The following MINDY2 variants were observed in gnomAD, a reference collection of about 807,000 sequenced individuals.
MINDY2 encodes the protein MINDY lysine 48 deubiquitinase 2, also known as ubiquitin carboxyl-terminal hydrolase MINDY-2.
Under a neutral mutation model 68.2 loss-of-function variants are expected in MINDY2, and 52 were observed. The observed-to-expected ratio is 0.76, with a 90% confidence interval of 0.61 to 0.96. The LOEUF (loss-of-function observed/expected upper bound fraction) is 0.96, where lower values mean the gene tolerates loss of function less well. MINDY2 is among the 40% of genes least tolerant of loss of function. MINDY2 has a pLI of 0.00. For synonymous variants in MINDY2, 372 were observed against 303.0 expected (o/e 1.23, Z -2.36); for missense variants, 881 against 773.4 (o/e 1.14, Z -1.65).
chr15:58,803,232 C>T (rs1276714231), intron 3 of MINDY2, among the ~76,000 whole-genome samples: 20 of 151,770 alleles, frequency 1.3e-4, no homozygotes, highest in Admixed American at 1.1e-3. Context: ...TTTGGGAGGC[C>T]GAGGTGGGCA....
intron 1 of MINDY2, among the ~76,000 whole-genome samples, chr15:58,782,911 GTTTTTTT>G (rs1157376592): frequency 1.1e-3 from 70 of 64,494 alleles, no homozygotes; most frequent in South Asian, 6.1e-3. Flanking sequence ...TTTTCTCTCT[GTTTTTTT>G]TTTTTTTTTT....
intron 3 of MINDY2, among the ~76,000 whole-genome samples, chr15:58,805,736 C>G (rs889442471): frequency 6.6e-6 from 1 of 151,340 alleles, no homozygotes; most frequent in Non-Finnish European, 1.5e-5. Flanking sequence ...GTTTAAAACC[C>G]TTTTAAAATA....
At chr15:58,846,115 C>CA (rs1406583481) in intron 6 of MINDY2, among the ~76,000 whole-genome samples, 1 of 143,560 alleles carries the variant, frequency 7.0e-6, no homozygotes, top group African/African-American at 2.5e-5. Flanking sequence ...AAAGAAAAAA[C>CA]AGAATGATTG....
At chr15:58,852,922 GTTT>G (rs746154698) in intron 8 of MINDY2, among the ~76,000 whole-genome samples, 4 of 48,968 alleles carry the variant, frequency 8.2e-5, no homozygotes, top group African/African-American at 3.0e-4. Context: ...TGCTGTTCCT[GTTT>G]TTTTTTTTTT....
At chr15:58,797,227 C>G (rs992960665) in intron 2 of MINDY2, among the ~76,000 whole-genome samples, 1 of 152,106 alleles carries the variant, frequency 6.6e-6, no homozygotes, top group African/African-American at 2.4e-5. Flanking sequence ...ATTAATTTTG[C>G]CAGGTGTGAT....
intron 5 of MINDY2, among the ~76,000 whole-genome samples, chr15:58,823,995 G>GTT (rs1450753370): frequency 1.3e-5 from 2 of 152,102 alleles, no homozygotes; most frequent in Non-Finnish European, 2.9e-5. Flanking sequence ...ATATACCAGA[G>GTT]TATGCTATTC....
intron 1 of MINDY2, among the ~76,000 whole-genome samples, chr15:58,775,985 C>G (rs1303939309): frequency 6.6e-6 from 1 of 151,666 alleles, no homozygotes; most frequent in East Asian, 1.9e-4. Flanking sequence ...GTCTCAGCCT[C>G]TCGAGTAGCT....
chr15:58,838,195 C>T (rs1456956643), intron 6 of MINDY2, among the ~76,000 whole-genome samples: 4 of 151,192 alleles, frequency 2.6e-5, no homozygotes, highest in Non-Finnish European at 5.9e-5. Flanking sequence ...GTCAGGAGTT[C>T]GAGACCAGCC....
chr15:58,826,846 A>T (rs957587397), intron 5 of MINDY2, among the ~76,000 whole-genome samples: 3 of 151,742 alleles, frequency 2.0e-5, no homozygotes, highest in Admixed American at 6.6e-5. Flanking sequence ...CTGTAACCTT[A>T]TTCCTTCCTC....
chr15:58,830,243 T>C (rs1237888147), intron 5 of MINDY2, among the ~76,000 whole-genome samples: 14 of 152,212 alleles, frequency 9.2e-5, no homozygotes, highest in African/African-American at 3.4e-4. Context: ...AAGGAGCATT[T>C]GGTAACATTT....
At chr15:58,783,324 T>C (rs1901280418) in intron 1 of MINDY2, among the ~76,000 whole-genome samples, 1 of 152,210 alleles carries the variant, frequency 6.6e-6, no homozygotes, top group Non-Finnish European at 1.5e-5. Context: ...AAACTGTGTG[T>C]TGTTGAGTAC....
intron 6 of MINDY2, among the ~76,000 whole-genome samples, chr15:58,844,255 T>A (rs1385266193): frequency 2.6e-5 from 4 of 152,048 alleles, no homozygotes; most frequent in African/African-American, 9.7e-5. Flanking sequence ...GGACTAATAA[T>A]CTCCATTGTT....
intron 2 of MINDY2, among the ~76,000 whole-genome samples, chr15:58,791,955 A>T (rs1047720670): frequency 1.1e-4 from 16 of 152,120 alleles, no homozygotes; most frequent in African/African-American, 3.9e-4. Context: ...GAAGAAAAAT[A>T]GGAGGCTGTG....
Position 58,859,902 on chromosome 15 carries a change from A to C in MINDY2, c.*5292A>C, listed in dbSNP as rs1336182394. 6.6e-6 allele frequency: 1 copy of C among 152,196 alleles called. No individual in the cohort carries two copies. Among genetic ancestry groups the C allele is most frequent in the East Asian group, 1.9e-4 (1 of 5,200 alleles). 9.4% of individuals were successfully genotyped at this position (152,196 alleles called of 1,614,324 possible). On this transcript the variant is annotated 3_prime_UTR_variant, in exon 9 of 9. Transcript: ENST00000559228. Reference sequence around the variant, plus strand: ...GTAAAATTCTTCAACTATTGCCTCAAGTTCAGTTTTGTCCTATTGTCCTGA... The same window carrying C: ...GTAAAATTCTTCAACTATTGCCTCACGTTCAGTTTTGTCCTATTGTCCTGA...
rs1271739021 is a variant in MINDY2 at position 58,857,320 on chromosome 15, G to A, written c.*2710G>A. ...AGGCCGAGGCAGGTGGATCACCTGA[G>A]ATCAGGAGTTCGAGACCAGCCTGGC... is the stretch of plus-strand genomic sequence containing the variant. On this transcript the variant is annotated 3_prime_UTR_variant, in exon 9 of 9. Coordinates refer to ENST00000559228, the MANE Select transcript of MINDY2 (RefSeq NM_001040450.3). 6.6e-6 allele frequency: 1 copy of A among 152,200 alleles called. No individual in the cohort carries two copies. The highest frequency in any genetic ancestry group is 1.5e-5 in the Non-Finnish European group (1 of 68,094). 9.4% of individuals were successfully genotyped at this position (152,200 alleles called of 1,614,324 possible).
At chr15:58,819,522 T>A (rs563827186) in intron 4 of MINDY2, among the ~76,000 whole-genome samples, 1 of 152,230 alleles carries the variant, frequency 6.6e-6, no homozygotes, top group South Asian at 2.1e-4. Flanking sequence ...TATTTTTATT[T>A]TATTTTTAGA....
At chr15:58,797,345 A>T (rs1305461794) in intron 2 of MINDY2, among the ~76,000 whole-genome samples, 1 of 152,094 alleles carries the variant, frequency 6.6e-6, no homozygotes, top group African/African-American at 2.4e-5. Context: ...TATCTTTACA[A>T]AAAATTTAAA....
intron 6 of MINDY2, among the ~76,000 whole-genome samples, chr15:58,847,047 A>G (rs1429682710): frequency 6.6e-6 from 1 of 152,200 alleles, no homozygotes; most frequent in Non-Finnish European, 1.5e-5. Flanking sequence ...TAAGTCATAC[A>G]TTAGCTGAAC....
chr15:58,852,922 G>GTTTTTTTTTTTTT (rs746154698), intron 8 of MINDY2, among the ~76,000 whole-genome samples: 1 of 48,968 alleles, frequency 2.0e-5, no homozygotes, highest in African/African-American at 7.5e-5. Flanking sequence ...TGCTGTTCCT[G>GTTTTTTTTTTTTT]TTTTTTTTTT....
Sources: gnomAD v4.1 joint callset for allele counts (sites outside exome capture counted in the v4.1 genomes callset) on GRCh38, gnomAD v4.1.1 for gene constraint, MANE v1.5 for transcripts, NCBI Gene and HGNC (gene_info 2026-07-23, HGNC 2026-07-21) for gene names.